Variants in CD99 observed in about 807,000 individuals in gnomAD.
CD99 encodes CD99 antigen.
In CD99, 19 loss-of-function variants were observed where a neutral mutation model predicts 28.4. The ratio of observed to expected loss-of-function variants is 0.67; its 90% CI spans 0.47 to 0.98. The LOEUF (loss-of-function observed/expected upper bound fraction) is 0.98. Ranked by LOEUF, CD99 falls within the 50% of genes least tolerant of loss-of-function variation. The pLI is 0.00. For missense variants in CD99, 283 were observed against 248.8 expected (o/e 1.14, Z -0.92); for synonymous variants, 103 against 92.1 (o/e 1.12, Z -0.67).
chrX:2,737,012 G>A (rs2049978606), intron 8 of CD99, among the ~76,000 whole-genome samples: 1 of 151,826 alleles, frequency 6.6e-6, no homozygotes, highest in Non-Finnish European at 1.5e-5. Flanking sequence ...TTAGTGCTCG[G>A]AGTCCTCACT....
intron 1 of CD99, among the ~76,000 whole-genome samples, chrX:2,694,140 TG>T (rs1278885954): frequency 1.3e-5 from 2 of 152,164 alleles, no homozygotes; most frequent in African/African-American, 2.4e-5. Context: ...AAGGCTGATT[TG>T]CCCCACCCCC....
At chrX:2,723,283 TC>T in intron 6 of CD99, 30 bp from the exon 7 acceptor site, 8 of 1,613,418 alleles carry the variant, frequency 5.0e-6, no homozygotes, top group Non-Finnish European at 6.8e-6. Context: ...CCCCAAACCT[TC>T]CCATTGCAGA....
intron 6 of CD99, among the ~76,000 whole-genome samples, chrX:2,723,021 A>G (rs1442087687): frequency 6.6e-6 from 1 of 152,184 alleles, no homozygotes; most frequent in African/African-American, 2.4e-5. Context: ...TCATTTTATT[A>G]GGCTGTTTTC....
intron 8 of CD99, among the ~76,000 whole-genome samples, chrX:2,728,549 C>G (rs1229167711): frequency 6.6e-6 from 1 of 152,014 alleles, no homozygotes; most frequent in East Asian, 1.9e-4. Flanking sequence ...GGACAGATGA[C>G]CACATTCAAG....
At chrX:2,731,936 G>A (rs999953326) in intron 8 of CD99, among the ~76,000 whole-genome samples, 2 of 150,510 alleles carry the variant, frequency 1.3e-5, no homozygotes, top group South Asian at 2.1e-4. Flanking sequence ...AAAAGTAATA[G>A]CAACATAGCA....
At position 2,719,705 on chromosome X, in the gene CD99, GGTGA is replaced by G. The variant is rs1303253742; in HGVS notation, c.193+3_193+6del. On this transcript the variant is annotated splice_donor_variant and splice_donor_region_variant and intron_variant, in intron 4 of 9. Transcript: ENST00000381192. LOFTEE classifies it high-confidence loss of function. ...AGATGCTGTTGTTGATGGAGAAAAT[GGTGA>G]GTATTTTCCTTTAATCTCTTCTGCT... 1 of 1,613,524 alleles carries G rather than the reference GGTGA, an allele frequency of 6.2e-7. No homozygotes were observed. The highest frequency in any genetic ancestry group is 1.1e-5 in the South Asian group (1 of 91,056).
intron 1 of CD99, among the ~76,000 whole-genome samples, chrX:2,713,756 G>T (rs1263815153): frequency 7.2e-5 from 11 of 152,142 alleles, no homozygotes; most frequent in Non-Finnish European, 1.5e-4. Context: ...GGGGACGCTG[G>T]ATGTTGACGA....
intron 8 of CD99, among the ~76,000 whole-genome samples, chrX:2,736,873 T>TAATA (rs766963512): frequency 0.04 from 5,984 of 148,600 alleles, 384 homozygotes; most frequent in African/African-American, 0.13. Flanking sequence ...ATAATAATAA[T>TAATA]AATAAATAAA....
At chrX:2,727,639 G>C (rs1470834317) in intron 8 of CD99, among the ~76,000 whole-genome samples, 1 of 152,032 alleles carries the variant, frequency 6.6e-6, no homozygotes, top group East Asian at 1.9e-4. Flanking sequence ...ACCACGCCCG[G>C]CTAATTTCTG....
At chrX:2,710,514 G>GTT (rs759886806) in intron 1 of CD99, among the ~76,000 whole-genome samples, 116 of 150,032 alleles carry the variant, frequency 7.7e-4, no homozygotes, top group African/African-American at 2.3e-3. Context: ...CACGTGTGGG[G>GTT]TTTTTTTTTG....
At chrX:2,739,329 A>AT (rs1401677950) in intron 9 of CD99, among the ~76,000 whole-genome samples, 1 of 152,066 alleles carries the variant, frequency 6.6e-6, no homozygotes, top group Non-Finnish European at 1.5e-5. Flanking sequence ...ATGTGCGTGT[A>AT]TTTTTTTATT....
intron 1 of CD99, 40 bp downstream of exon 1, chrX:2,691,467 G>A (rs759334824): frequency 6.4e-7 from 1 of 1,555,832 alleles, no homozygotes. Context: ...GACGCGGAGG[G>A]CGCGGGCCGG....
At chrX:2,715,142 C>G (rs374647975) in intron 2 of CD99, 2 of 152,294 alleles carry the variant, frequency 1.3e-5, no homozygotes, top group East Asian at 3.9e-4. Context: ...TCCTGTCTCC[C>G]GCTCCTCACC....
chrX:2,700,937 C>T (rs2047830324), intron 1 of CD99, among the ~76,000 whole-genome samples: 1 of 148,698 alleles, frequency 6.7e-6, no homozygotes, highest in Admixed American at 6.7e-5. Flanking sequence ...ATCCACCCAA[C>T]CATCCATCCA....
At chrX:2,709,551 A>G (rs1296759573) in intron 1 of CD99, among the ~76,000 whole-genome samples, 1 of 152,272 alleles carries the variant, frequency 6.6e-6, no homozygotes, top group Non-Finnish European at 1.5e-5. Flanking sequence ...CAATACATAT[A>G]TGCATGCACA....
intron 1 of CD99, among the ~76,000 whole-genome samples, chrX:2,707,329 C>CAAAAA (rs111958638): frequency 6.7e-6 from 1 of 149,186 alleles, no homozygotes; most frequent in Non-Finnish European, 1.5e-5. Context: ...AACTCTGCCT[C>CAAAAA]AAAAGAAAAG....
At chrX:2,736,333 G>A (rs761166133) in intron 8 of CD99, among the ~76,000 whole-genome samples, 1 of 152,164 alleles carries the variant, frequency 6.6e-6, no homozygotes, top group East Asian at 1.9e-4. Context: ...AGGGGGAAAC[G>A]CATGGCCACA....
intron 1 of CD99, among the ~76,000 whole-genome samples, chrX:2,712,504 G>A (rs767381072): frequency 3.3e-5 from 5 of 152,176 alleles, no homozygotes; most frequent in African/African-American, 1.2e-4. Flanking sequence ...TTATATGTGC[G>A]TGTGTCTGTA....
chrX:2,726,525 C>T, intron 8 of CD99, 152 bp downstream of exon 8: 1 of 701,938 alleles, frequency 1.4e-6, no homozygotes, highest in Non-Finnish European at 2.6e-6. Context: ...GGAATCGAAC[C>T]TTCTGGCTTT....
Sources: gnomAD v4.1 joint callset for allele counts (sites outside exome capture counted in the v4.1 genomes callset) on GRCh38, gnomAD v4.1.1 for gene constraint, MANE v1.5 for transcripts, NCBI Gene and HGNC (gene_info 2026-07-23, HGNC 2026-07-21) for gene names.